The following GRID2 variants were observed in gnomAD, a reference collection of about 807,000 sequenced individuals.
The protein encoded by GRID2 is glutamate ionotropic receptor delta type subunit 2, also known as glutamate receptor ionotropic, delta-2.
GRID2 carries 33 observed loss-of-function variants against 114.8 expected under a neutral mutation model. That is an observed-to-expected ratio of 0.29 (90% CI 0.22 to 0.38). The LOEUF (loss-of-function observed/expected upper bound fraction) is 0.38, where lower values mean the gene tolerates loss of function less well. Among genes scored for constraint, GRID2 ranks in the 10% least tolerant of loss-of-function variants. GRID2 has a pLI of 1.00. For synonymous variants in GRID2, 505 were observed against 449.9 expected (o/e 1.12, Z -1.55); for missense variants, 1,184 against 1,257.7 (o/e 0.94, Z 0.89).
At chr4:92,966,513 G>T (rs1753167327) in intron 2 of GRID2, among the ~76,000 whole-genome samples, 3 of 151,842 alleles carry the variant, frequency 2.0e-5, no homozygotes, top group South Asian at 4.2e-4. Context: ...ACCTTGAATT[G>T]TAATAATCCC....
chr4:93,129,928 G>A (rs1734638750), intron 4 of GRID2, among the ~76,000 whole-genome samples: 1 of 152,156 alleles, frequency 6.6e-6, no homozygotes, highest in African/African-American at 2.4e-5. Flanking sequence ...GCAATTAGCT[G>A]TCAGGCCCCA....
chr4:93,708,027 G>A (rs1437103712), intron 14 of GRID2, among the ~76,000 whole-genome samples: 4 of 151,732 alleles, frequency 2.6e-5, no homozygotes, highest in Non-Finnish European at 1.5e-5. Flanking sequence ...TTGATTTCTA[G>A]TTTGATTCTA....
intron 13 of GRID2, among the ~76,000 whole-genome samples, chr4:93,576,774 C>T (rs1004866129): frequency 1.3e-5 from 2 of 151,490 alleles, no homozygotes; most frequent in South Asian, 2.1e-4. Context: ...ATATGCTTTC[C>T]AGAAGAAAAG....
At chr4:92,814,466 A>G (rs920902287) in intron 2 of GRID2, among the ~76,000 whole-genome samples, 4 of 152,124 alleles carry the variant, frequency 2.6e-5, no homozygotes, top group South Asian at 4.1e-4. Context: ...TTGTGAGGAC[A>G]TGCCCGTGGC....
intron 2 of GRID2, among the ~76,000 whole-genome samples, chr4:93,058,010 A>G (rs1049534202): frequency 2.7e-5 from 4 of 148,716 alleles, no homozygotes; most frequent in Non-Finnish European, 6.0e-5. Flanking sequence ...ACTTTTTTTC[A>G]TTGTATATGT....
chr4:93,487,958 A>G (rs1187022743), intron 11 of GRID2, among the ~76,000 whole-genome samples: 1 of 151,966 alleles, frequency 6.6e-6, no homozygotes, highest in Non-Finnish European at 1.5e-5. Flanking sequence ...ATAACATTTT[A>G]TTTGCATTCT....
At chr4:93,293,576 A>T (rs1391268484) in intron 8 of GRID2, among the ~76,000 whole-genome samples, 2 of 151,890 alleles carry the variant, frequency 1.3e-5, no homozygotes, top group Admixed American at 6.6e-5. Context: ...TCTAATAGGT[A>T]GTCATATATC....
At chr4:92,866,818 G>A (rs1373955401) in intron 2 of GRID2, among the ~76,000 whole-genome samples, 1 of 151,902 alleles carries the variant, frequency 6.6e-6, no homozygotes, top group South Asian at 2.1e-4. Flanking sequence ...CCCCAAGTGC[G>A]GGGATTGTAG....
chr4:93,644,762 C>A (rs1301928876), intron 14 of GRID2, among the ~76,000 whole-genome samples: 1 of 152,030 alleles, frequency 6.6e-6, no homozygotes, highest in East Asian at 1.9e-4. Context: ...AGAAAATAGA[C>A]TGGGTCTCAG....
intron 10 of GRID2, among the ~76,000 whole-genome samples, chr4:93,447,462 A>G (rs1291640244): frequency 2.0e-5 from 3 of 151,986 alleles, no homozygotes; most frequent in African/African-American, 4.8e-5. Flanking sequence ...ATGCATAAAT[A>G]AAAGTATCAA....
At chr4:93,181,390 A>G (rs1164005277) in intron 4 of GRID2, among the ~76,000 whole-genome samples, 11 of 152,172 alleles carry the variant, frequency 7.2e-5, no homozygotes, top group Non-Finnish European at 1.5e-4. Context: ...TACATTTAGT[A>G]TAATTCTGAA....
chr4:93,761,571 T>TA (rs1258149323), intron 14 of GRID2, among the ~76,000 whole-genome samples: 1 of 152,190 alleles, frequency 6.6e-6, no homozygotes, highest in Non-Finnish European at 1.5e-5. Context: ...AAAAGCTTGC[T>TA]GACCTCTAGT....
intron 8 of GRID2, among the ~76,000 whole-genome samples, chr4:93,347,226 A>T (rs1340955788): frequency 6.6e-6 from 1 of 151,970 alleles, no homozygotes; most frequent in African/African-American, 2.4e-5. Flanking sequence ...CAAGTTGTTA[A>T]AAAAAATTAA....
chr4:92,399,054 T>C (rs1324012440), intron 1 of GRID2, among the ~76,000 whole-genome samples: 2 of 152,196 alleles, frequency 1.3e-5, no homozygotes, highest in African/African-American at 4.8e-5. Flanking sequence ...GAGACCAAAT[T>C]ACTCATCCAG....
intron 14 of GRID2, among the ~76,000 whole-genome samples, chr4:93,754,065 C>A (rs1371345635): frequency 6.6e-6 from 1 of 152,096 alleles, no homozygotes; most frequent in East Asian, 1.9e-4. Context: ...AGTCTACAAA[C>A]CTGCACTGAA....
intron 1 of GRID2, among the ~76,000 whole-genome samples, chr4:93,781,975 A>G (rs977616329): frequency 1.3e-5 from 2 of 152,118 alleles, no homozygotes; most frequent in Admixed American, 1.3e-4. Context: ...TAGCATTCAA[A>G]CTTTGATTGT....
chr4:92,962,148 C>T (rs1329489038), intron 2 of GRID2, among the ~76,000 whole-genome samples: 1 of 151,920 alleles, frequency 6.6e-6, no homozygotes, highest in Non-Finnish European at 1.5e-5. Flanking sequence ...ATTCTAACAT[C>T]CCTGCCTTAT....
intron 1 of GRID2, among the ~76,000 whole-genome samples, chr4:93,788,556 C>T (rs1031780408): frequency 2.2e-4 from 33 of 151,778 alleles, no homozygotes; most frequent in African/African-American, 7.5e-4. Context: ...ATGTGTAATG[C>T]AATTTTTGTA....
chr4:93,294,033 G>C (rs938761683), intron 8 of GRID2, among the ~76,000 whole-genome samples: 2 of 152,184 alleles, frequency 1.3e-5, no homozygotes, highest in Non-Finnish European at 2.9e-5. Flanking sequence ...TGAAGGGAAA[G>C]TCATTATAAT....
Sources: allele counts gnomAD v4.1 joint callset (sites outside exome capture counted in the v4.1 genomes callset), GRCh38; gene constraint gnomAD v4.1.1; transcripts MANE v1.5; gene names NCBI Gene and HGNC (gene_info 2026-07-23, HGNC 2026-07-21).